TULP4: variants seen among roughly 807,000 people sequenced by gnomAD.
TULP4 encodes the protein TUB like protein 4, also known as tubby-related protein 4.
TULP4 carries 16 observed loss-of-function variants against 129.0 expected under a neutral mutation model. The ratio of observed to expected loss-of-function variants is 0.12; its 90% CI spans 0.08 to 0.19. The LOEUF (loss-of-function observed/expected upper bound fraction) is 0.19, where lower values mean the gene tolerates loss of function less well. Among genes scored for constraint, TULP4 ranks in the 10% least tolerant of loss-of-function variants. TULP4 has a pLI of 1.00. For missense variants in TULP4, 1,842 were observed against 2,059.1 expected (o/e 0.89, Z 2.04); for synonymous variants, 998 against 854.0 (o/e 1.17, Z -2.94).
intron 6 of TULP4, among the ~76,000 whole-genome samples, chr6:158,473,242 T>G (rs914063162): frequency 6.6e-6 from 1 of 152,230 alleles, no homozygotes; most frequent in Admixed American, 6.5e-5. Context: ...TTCTTTCACT[T>G]AGGATTAACT....
At chr6:158,415,615 C>T (rs1778190919) in intron 2 of TULP4, among the ~76,000 whole-genome samples, 1 of 151,092 alleles carries the variant, frequency 6.6e-6, no homozygotes, top group African/African-American at 2.4e-5. Context: ...CCGCGTCAGC[C>T]TCCCAAAGTG....
intron 1 of TULP4, among the ~76,000 whole-genome samples, chr6:158,334,912 C>A (rs1210334776): frequency 6.6e-6 from 1 of 152,178 alleles, no homozygotes; most frequent in Non-Finnish European, 1.5e-5. Flanking sequence ...GAGGAACAGG[C>A]CTTCACCAGA....
intron 9 of TULP4, among the ~76,000 whole-genome samples, chr6:158,492,016 G>A (rs1298757735): frequency 2.0e-5 from 3 of 151,620 alleles, no homozygotes; most frequent in Non-Finnish European, 2.9e-5. Context: ...GCGCCACCAC[G>A]CCCGGCTAAT....
At chr6:158,315,019 G>A (rs533132947) in intron 1 of TULP4, among the ~76,000 whole-genome samples, 41 of 152,190 alleles carry the variant, frequency 2.7e-4, no homozygotes, top group African/African-American at 7.5e-4. Context: ...TGGCACCTTC[G>A]CAATATTCAT....
At chr6:158,495,166 C>T (rs1410258980) in intron 11 of TULP4, among the ~76,000 whole-genome samples, 3 of 151,948 alleles carry the variant, frequency 2.0e-5, no homozygotes, top group African/African-American at 7.3e-5. Flanking sequence ...GATCCTCCTG[C>T]CTCAGCCCCC....
intron 1 of TULP4, among the ~76,000 whole-genome samples, chr6:158,352,079 C>T (rs1296786001): frequency 6.6e-6 from 1 of 151,976 alleles, no homozygotes; most frequent in African/African-American, 2.4e-5. Flanking sequence ...TTATATTTTC[C>T]TTAGAATAAA....
intron 1 of TULP4, among the ~76,000 whole-genome samples, chr6:158,324,206 G>A (rs749776945): frequency 2.0e-5 from 3 of 152,160 alleles, no homozygotes; most frequent in Non-Finnish European, 2.9e-5. Flanking sequence ...CTGCATAGTG[G>A]GACTGGAAGG....
chr6:158,501,998 C>T lies in TULP4; in HGVS notation c.2335C>T (p.Pro779Ser). Residue 779 changes from proline (P) to serine (S), a missense_variant, in exon 13 of 14, where the codon CCG (proline) becomes TCG (serine). Coordinates refer to ENST00000367097, the MANE Select transcript of TULP4 (RefSeq NM_020245.5). ...NPPPLSLPPP[P>S]QGPMQLSTVG... ...CCCTCCACTGTCCCTGCCTCCCCCG[C>T]CGCAGGGGCCCATGCAGCTGTCCAC... The T allele has an allele frequency of 1.2e-6, 2 of 1,613,870 alleles. No individual in the cohort carries two copies. Among genetic ancestry groups the T allele is most frequent in the African/African-American group, 2.7e-5 (2 of 74,994 alleles).
chr6:158,425,153 CAAAAAAAAAA>C (rs562712423), intron 2 of TULP4, among the ~76,000 whole-genome samples: 731 of 39,798 alleles, frequency 0.018, 9 homozygotes, highest in Middle Eastern at 0.062. Context: ...GACACCATCT[CAAAAAAAAAA>C]AAAAAAAAAA....
chr6:158,383,794 C>T (rs1777379576), intron 1 of TULP4, among the ~76,000 whole-genome samples: 1 of 152,196 alleles, frequency 6.6e-6, no homozygotes, highest in Non-Finnish European at 1.5e-5. Context: ...TGACTGCAGA[C>T]CACCAAAGGG....
At chr6:158,387,658 T>G (rs1486561168) in intron 1 of TULP4, among the ~76,000 whole-genome samples, 1 of 152,188 alleles carries the variant, frequency 6.6e-6, no homozygotes, top group Non-Finnish European at 1.5e-5. Context: ...TCAGGTTGTC[T>G]TTTTTTGCAT....
chr6:158,412,857 A>G (rs1159294270), intron 1 of TULP4, among the ~76,000 whole-genome samples: 1 of 152,084 alleles, frequency 6.6e-6, no homozygotes, highest in Non-Finnish European at 1.5e-5. Context: ...ACTGTCTCTC[A>G]TTGTTAGGAA....
intron 1 of TULP4, among the ~76,000 whole-genome samples, chr6:158,367,358 A>G (rs1284254269): frequency 6.6e-6 from 1 of 152,224 alleles, no homozygotes; most frequent in Non-Finnish European, 1.5e-5. Flanking sequence ...CTTTTTTACA[A>G]GCTTCTAAAG....
intron 9 of TULP4, among the ~76,000 whole-genome samples, chr6:158,491,402 T>G (rs1249232072): frequency 7.9e-5 from 2 of 25,462 alleles, no homozygotes; most frequent in African/African-American, 2.8e-4. Context: ...TCTTTCTTTC[T>G]TTCTTTCTTT....
rs144013281 is a variant in TULP4, at chr6:158,387,856, T to C, written c.253-25209T>C. Among the ~76,000 whole-genome samples the C allele has an allele frequency of 3.4e-4, 52 of 152,358 alleles. 1 individual carries two copies. The East Asian group carries it at 5.4e-3, about 16-fold the overall frequency. On this transcript the variant is annotated intron_variant, in intron 1 of 13. Coordinates refer to ENST00000367097, the MANE Select transcript of TULP4 (RefSeq NM_020245.5). ...AGTGTGCACTGCCTCTTAAGATTAT[T>C]ATCTCTAATTTTTTACATTTCCTCT...
At chr6:158,356,732 G>A (rs896899087) in intron 1 of TULP4, among the ~76,000 whole-genome samples, 1 of 152,118 alleles carries the variant, frequency 6.6e-6, no homozygotes, top group Non-Finnish European at 1.5e-5. Flanking sequence ...GGGCTCAGGA[G>A]CATGGGACAA....
chr6:158,252,480 A>G (rs1343828392), intron 1 of TULP4, among the ~76,000 whole-genome samples: 2 of 151,992 alleles, frequency 1.3e-5, no homozygotes, highest in Non-Finnish European at 2.9e-5. Context: ...GGTTCAAGCG[A>G]TTCTCCTGTC....
At chr6:158,467,032 TAAGC>T in intron 6 of TULP4, among the ~76,000 whole-genome samples, 1 of 152,284 alleles carries the variant, frequency 6.6e-6, no homozygotes, top group Non-Finnish European at 1.5e-5. Flanking sequence ...AGCCATCTCA[TAAGC>T]ATTGCACATT....
At chr6:158,369,595 TA>T (rs1777027464) in intron 1 of TULP4, among the ~76,000 whole-genome samples, 1 of 152,184 alleles carries the variant, frequency 6.6e-6, no homozygotes, top group Admixed American at 6.5e-5. Context: ...AAAACCTTGT[TA>T]TATTTTGCAC....
Sources: gnomAD v4.1 joint callset for allele counts (sites outside exome capture counted in the v4.1 genomes callset) on GRCh38, gnomAD v4.1.1 for gene constraint, MANE v1.5 for transcripts, NCBI Gene and HGNC (gene_info 2026-07-23, HGNC 2026-07-21) for gene names.